Variants in KIF6 observed in about 807,000 individuals in gnomAD.
The protein encoded by KIF6 is kinesin-like protein KIF6.
In KIF6, 106 loss-of-function variants were observed where a neutral mutation model predicts 112.7. The observed-to-expected ratio is 0.94, with a 90% CI of 0.80 to 1.11. The LOEUF (loss-of-function observed/expected upper bound fraction) is 1.11. KIF6 is among the 50% of genes least tolerant of loss of function. The pLI is 0.00. For synonymous variants in KIF6, 339 were observed against 339.9 expected, an observed-to-expected ratio of 1.00 and a Z score of 0.03; for missense variants, 929 against 964.0, an observed-to-expected ratio of 0.96 and a Z score of 0.48.
chr6:39,724,307 A>G (rs1441479034), intron 1 of KIF6, among the ~76,000 whole-genome samples: 1 of 151,992 alleles, frequency 6.6e-6, no homozygotes, highest in Non-Finnish European at 1.5e-5. Context: ...CAAAAAATTA[A>G]CCGGGCGTGG....
intron 5 of KIF6, among the ~76,000 whole-genome samples, chr6:39,621,234 T>TACACACACACACAC (rs1477311569): frequency 2.4e-4 from 17 of 70,438 alleles, no homozygotes; most frequent in African/African-American, 1.1e-3. Context: ...CACACACACG[T>TACACACACACACAC]ACACATATAT....
chr6:39,634,239 A>G (rs906095672), intron 5 of KIF6, among the ~76,000 whole-genome samples: 21 of 152,160 alleles, frequency 1.4e-4, no homozygotes, highest in African/African-American at 4.8e-4. Flanking sequence ...TATGTCTAAT[A>G]TAGGCAGATA....
intron 3 of KIF6, among the ~76,000 whole-genome samples, chr6:39,679,328 C>T (rs993391994): frequency 6.6e-6 from 1 of 152,146 alleles, no homozygotes; most frequent in Non-Finnish European, 1.5e-5. Flanking sequence ...TTAAGGGATG[C>T]ATTAGGGCGG....
At chr6:39,490,902 T>A (rs1202432393) in intron 13 of KIF6, among the ~76,000 whole-genome samples, 2 of 152,180 alleles carry the variant, frequency 1.3e-5, no homozygotes, top group Non-Finnish European at 2.9e-5. Flanking sequence ...AGCTACTACA[T>A]AAATGTAGAG....
At chr6:39,389,494 G>C (rs775150824) in intron 15 of KIF6, among the ~76,000 whole-genome samples, 31 of 152,268 alleles carry the variant, frequency 2.0e-4, no homozygotes, top group Admixed American at 1.2e-3. Flanking sequence ...CTCGTAGAAG[G>C]CTCTATCCTA....
chr6:39,369,376 C>T (rs923814324), intron 16 of KIF6, among the ~76,000 whole-genome samples: 7 of 152,206 alleles, frequency 4.6e-5, no homozygotes, highest in Non-Finnish European at 8.8e-5. Context: ...CACTCACCCC[C>T]ACTGCCACAG....
chr6:39,384,511 C>T (rs979277192), intron 16 of KIF6, among the ~76,000 whole-genome samples: 3 of 152,240 alleles, frequency 2.0e-5, no homozygotes, highest in Non-Finnish European at 4.4e-5. Context: ...AAGCTCAGAG[C>T]TCCAGTTGCC....
intron 15 of KIF6, among the ~76,000 whole-genome samples, chr6:39,405,472 A>T (rs1769015808): frequency 6.6e-6 from 1 of 152,202 alleles, no homozygotes; most frequent in South Asian, 2.1e-4. Flanking sequence ...TACGATCATG[A>T]GGTTTTTCTT....
At chr6:39,599,812 G>A (rs1782478468) in intron 6 of KIF6, among the ~76,000 whole-genome samples, 2 of 152,116 alleles carry the variant, frequency 1.3e-5, no homozygotes, top group Admixed American at 1.3e-4. Flanking sequence ...CTGATATTCT[G>A]AAACCACCAT....
intron 13 of KIF6, among the ~76,000 whole-genome samples, chr6:39,444,558 A>G (rs1284637702): frequency 6.6e-6 from 1 of 152,148 alleles, no homozygotes; most frequent in East Asian, 1.9e-4. Flanking sequence ...CTTTTAGCAA[A>G]TATCATGTAT....
At chr6:39,703,343 T>C (rs1479214850) in intron 3 of KIF6, among the ~76,000 whole-genome samples, 1 of 152,148 alleles carries the variant, frequency 6.6e-6, no homozygotes, top group Non-Finnish European at 1.5e-5. Context: ...AGATCTATTC[T>C]AGTTTCAGCT....
intron 5 of KIF6, among the ~76,000 whole-genome samples, chr6:39,627,119 C>G (rs1327641454): frequency 6.6e-6 from 1 of 152,174 alleles, no homozygotes; most frequent in Non-Finnish European, 1.5e-5. Context: ...CCTGCCTACT[C>G]CCTTACTGGG....
intron 13 of KIF6, among the ~76,000 whole-genome samples, chr6:39,511,190 C>T (rs575373583): frequency 1.4e-4 from 21 of 152,136 alleles, no homozygotes; most frequent in Admixed American, 5.2e-4. Flanking sequence ...CAGGACTTGA[C>T]GTCAGCTCTG....
At chr6:39,451,554 C>T (rs1458025013) in intron 13 of KIF6, among the ~76,000 whole-genome samples, 1 of 152,166 alleles carries the variant, frequency 6.6e-6, no homozygotes, top group Non-Finnish European at 1.5e-5. Context: ...TTACTTAATT[C>T]CTCTGCTCCT....
chr6:39,343,234 GTTA>G lies in KIF6; in HGVS notation c.2428+472_2428+474del, dbSNP rs1483093809. On this transcript the variant is annotated intron_variant, in intron 22 of 22. Coordinates refer to ENST00000287152, the MANE Select transcript of KIF6 (RefSeq NM_145027.6). This position sits in a 1 kb window ranked among gnomAD's most constrained non-coding sequence, Gnocchi z 4.1. Reference sequence around the variant, plus strand: ...CGCCACTCTTACTTCCTCTGTGATTGTTATGGTGTCCTCGGGCCTGGGCCTTCA... The same window carrying G: ...CGCCACTCTTACTTCCTCTGTGATTGTGGTGTCCTCGGGCCTGGGCCTTCA... 47 of 1,251,660 alleles carry G rather than the reference GTTA, an allele frequency of 3.8e-5. No individual in the cohort carries two copies. The highest frequency in any genetic ancestry group is 4.6e-5 in the Non-Finnish European group (45 of 973,206). The allele number at this position is 1,251,660 out of a possible 1,614,324, so 77.5% of individuals were successfully genotyped here. A position where few individuals can be genotyped will look rare whatever the true frequency, so the allele number is the denominator to read the frequency against.
intron 16 of KIF6, among the ~76,000 whole-genome samples, chr6:39,372,620 G>T (rs2208789): frequency 0.41 from 62,444 of 152,006 alleles, 14,815 homozygotes; most frequent in Non-Finnish European, 0.52. Context: ...CAGAGAATGA[G>T]ATAAATAACA....
chr6:39,362,825 G>A (rs765097453), intron 16 of KIF6, among the ~76,000 whole-genome samples: 3 of 152,126 alleles, frequency 2.0e-5, no homozygotes, highest in Non-Finnish European at 4.4e-5. Flanking sequence ...CAGGGAAGAC[G>A]CAAAATAGCA....
At chr6:39,424,496 T>A (rs1000523418) in intron 14 of KIF6, among the ~76,000 whole-genome samples, 4 of 152,238 alleles carry the variant, frequency 2.6e-5, no homozygotes, top group Non-Finnish European at 5.9e-5. Flanking sequence ...ATTCCATAAA[T>A]ATTTGTAGAA....
At chr6:39,468,162 T>A in intron 13 of KIF6, among the ~76,000 whole-genome samples, 1 of 150,094 alleles carries the variant, frequency 6.7e-6, no homozygotes, top group East Asian at 2.0e-4. Context: ...GATTACATAC[T>A]CTGAAGAGCA....
Sources: gnomAD v4.1 joint callset for allele counts (sites outside exome capture counted in the v4.1 genomes callset) on GRCh38, gnomAD v4.1.1 for gene constraint, Gnocchi (gnomAD v3.1) non-coding constraint, MANE v1.5 for transcripts, NCBI Gene and HGNC (gene_info 2026-07-23, HGNC 2026-07-21) for gene names.